ASAP2: variants seen among roughly 807,000 people sequenced by gnomAD.
ASAP2 encodes the protein arf-GAP with SH3 domain, ANK repeat and PH domain-containing protein 2.
In ASAP2, 45 loss-of-function variants were observed where a neutral mutation model predicts 131.4. That is an observed-to-expected ratio of 0.34 (90% confidence interval 0.27 to 0.44). The LOEUF (loss-of-function observed/expected upper bound fraction) is 0.44. Ranked by LOEUF, ASAP2 falls within the 20% of genes least tolerant of loss-of-function variation. The pLI, the probability that ASAP2 is intolerant of heterozygous loss-of-function variation, is 1.00. For missense variants in ASAP2, 1,011 were observed against 1,297.0 expected (o/e 0.78, Z 3.39); for synonymous variants, 510 against 503.0 (o/e 1.01, Z -0.19).
chr2:9,301,820 C>CTTTTTTTTTTTTTTT lies in ASAP2; in HGVS notation c.345+4382_345+4396dup, dbSNP rs1177064910. ...ACCAAGCAACGTGTGTATCCATCAT[C>CTTTTTTTTTTTTTTT]TTTTTTTTTTTTTTTTTTTTTGAGA... On this transcript the variant is annotated intron_variant, in intron 3 of 27. Coordinates refer to ENST00000281419, the MANE Select transcript of ASAP2 (RefSeq NM_003887.3). Among the ~76,000 whole-genome samples the CTTTTTTTTTTTTTTT allele has an allele frequency of 1.1e-4, 13 of 115,410 alleles. 1 individual carries two copies. Among genetic ancestry groups the CTTTTTTTTTTTTTTT allele is most frequent in the African/African-American group, 4.6e-4 (13 of 28,374 alleles). The allele number at this position is 115,410 out of a possible 152,430, so 75.7% of individuals were successfully genotyped here.
chr2:9,304,996 G>A (rs1424256246), intron 3 of ASAP2, among the ~76,000 whole-genome samples: 2 of 150,692 alleles, frequency 1.3e-5, no homozygotes, highest in African/African-American at 4.9e-5. Flanking sequence ...TGGACAAGCT[G>A]GAGTAGTGGG....
chr2:9,358,604 G>C (rs1672869107), intron 14 of ASAP2, 152 bp from the exon 15 acceptor site: 1 of 928,430 alleles, frequency 1.1e-6, no homozygotes, highest in Non-Finnish European at 1.6e-6. Context: ...ATGTAAATTG[G>C]TGGTAATTAT....
chr2:9,260,209 C>G (rs146621018), intron 1 of ASAP2, among the ~76,000 whole-genome samples: 1 of 152,228 alleles, frequency 6.6e-6, no homozygotes, highest in South Asian at 2.1e-4. Context: ...CCCAGGTGAT[C>G]AAGTAATTTG....
intron 1 of ASAP2, among the ~76,000 whole-genome samples, chr2:9,259,772 T>C (rs938361656): frequency 2.6e-5 from 4 of 152,154 alleles, no homozygotes; most frequent in Non-Finnish European, 5.9e-5. Context: ...GATGAACTCA[T>C]CTGAGGCCGA....
chr2:9,297,436 CA>C lies in ASAP2; in HGVS notation c.341del (p.Asn114ThrfsTer2). On this transcript the variant is annotated frameshift_variant, in exon 3 of 28. Transcript: ENST00000281419. LOFTEE classifies it high-confidence loss of function. ...TTACAAAGGAGTTGACAGCACTTTTCAAAAACCTGGTAAGCAGCTCTGTGTA... is the reference window on the plus strand; with the variant it reads ...TTACAAAGGAGTTGACAGCACTTTTCAAAACCTGGTAAGCAGCTCTGTGTA... ...VFTKELTALF[K>X]NLIQNMNNII... 1.2e-6 allele frequency: 2 copies of C among 1,614,156 alleles called. No individual in the cohort carries two copies. The highest frequency in any genetic ancestry group is 1.7e-6 in the Non-Finnish European group (2 of 1,180,004).
At chr2:9,375,801 G>A (rs992765669) in intron 17 of ASAP2, among the ~76,000 whole-genome samples, 2 of 152,240 alleles carry the variant, frequency 1.3e-5, no homozygotes, top group Admixed American at 6.5e-5. Flanking sequence ...TTTAACCTGA[G>A]CTTCATGCTA....
At chr2:9,301,506 A>G (rs1668469028) in intron 3 of ASAP2, among the ~76,000 whole-genome samples, 1 of 152,220 alleles carries the variant, frequency 6.6e-6, no homozygotes, top group Non-Finnish European at 1.5e-5. Flanking sequence ...AAAGACTCCA[A>G]GGGCCACCTC....
chr2:9,340,203 A>G (rs1397644121), intron 9 of ASAP2, among the ~76,000 whole-genome samples: 3 of 152,126 alleles, frequency 2.0e-5, no homozygotes, highest in Non-Finnish European at 4.4e-5. Context: ...TTGTAGTTTT[A>G]GTAGAGACGG....
intron 1 of ASAP2, among the ~76,000 whole-genome samples, chr2:9,250,071 CTG>C (rs1664603505): frequency 6.6e-6 from 1 of 152,192 alleles, no homozygotes; most frequent in South Asian, 2.1e-4. Context: ...GTTTTATCAT[CTG>C]TAACATGAGG....
intron 1 of ASAP2, among the ~76,000 whole-genome samples, chr2:9,239,739 T>G (rs2709566): frequency 0.28 from 42,617 of 151,942 alleles, 6,288 homozygotes; most frequent in African/African-American, 0.39. Context: ...ATCTTTTTTT[T>G]TTTGTTTTAG....
Position 9,256,590 on chromosome 2 carries a change from G to T in ASAP2, c.127-22727G>T, listed in dbSNP as rs115376568. Among the ~76,000 whole-genome samples, 400 of 152,250 alleles carry T rather than the reference G, an allele frequency of 2.6e-3. 3 individuals carry two copies. Among genetic ancestry groups the T allele is most frequent in the African/African-American group, 8.9e-3 (371 of 41,544 alleles). ...GGATTTTGTTTTTAAAAAAGAATGT[G>T]GCCATCTGTTTCTATTTACATGTGC... is the stretch of plus-strand genomic sequence containing the variant. On this transcript the variant is annotated intron_variant, in intron 1 of 27. Coordinates refer to ENST00000281419, the MANE Select transcript of ASAP2 (RefSeq NM_003887.3).
At chr2:9,258,233 A>T (rs72773379) in intron 1 of ASAP2, among the ~76,000 whole-genome samples, 1 of 142,458 alleles carries the variant, frequency 7.0e-6, no homozygotes. Flanking sequence ...TGACAGAGCG[A>T]TACTTCATCT....
intron 9 of ASAP2, among the ~76,000 whole-genome samples, chr2:9,343,037 G>A (rs1385746646): frequency 6.6e-6 from 1 of 152,158 alleles, no homozygotes; most frequent in African/African-American, 2.4e-5. Flanking sequence ...CATCGTTTGG[G>A]GATGTGCTTC....
intron 1 of ASAP2, among the ~76,000 whole-genome samples, chr2:9,267,238 C>T (rs971683291): frequency 1.3e-5 from 2 of 152,040 alleles, no homozygotes; most frequent in African/African-American, 2.4e-5. Context: ...CATGATTGAT[C>T]CCATCACCCA....
In ASAP2 at chr2:9,388,281, T is replaced by C. The variant is rs1260957237; in HGVS notation, c.2131-13T>C. 1 of 1,613,144 alleles carries C rather than the reference T, an allele frequency of 6.2e-7. No homozygotes were observed. The highest frequency in any genetic ancestry group is 8.5e-7 in the Non-Finnish European group (1 of 1,179,870). ...TTTGTCTCACACGCCTCTGCCCCAATGTTCTCCTGCAGCCCAGTCCCAACC... is the reference window on the plus strand; with the variant it reads ...TTTGTCTCACACGCCTCTGCCCCAACGTTCTCCTGCAGCCCAGTCCCAACC... On this transcript the variant is annotated splice_polypyrimidine_tract_variant and intron_variant, in intron 21 of 27. Transcript: ENST00000281419.
Position 9,318,399 on chromosome 2 carries a change from A to C in ASAP2, c.346-125A>C, listed in dbSNP as rs143852559. The C allele has an allele frequency of 1.6e-5, 11 of 700,814 alleles. No homozygotes were observed. The Admixed American group carries it at 2.4e-4, about 15-fold the overall frequency. 43.4% of individuals were successfully genotyped at this position (700,814 alleles called of 1,614,324 possible). On this transcript the variant is annotated intron_variant, in intron 3 of 27. Transcript: ENST00000281419. ...TGTATGACTGAATAAGGCACAGTAC[A>C]TGCACCGGCCAGGTTTTAGGTGGAG... is the stretch of plus-strand genomic sequence containing the variant.
chr2:9,302,169 CTTTT>C (rs57906310), intron 3 of ASAP2, among the ~76,000 whole-genome samples: 1 of 82,914 alleles, frequency 1.2e-5, no homozygotes. Flanking sequence ...AGTTAGAAGC[CTTTT>C]TTTTTTTTTT....
At position 9,231,762 on chromosome 2, in the gene ASAP2, A is replaced by G. The variant is rs373727546; in HGVS notation, c.126+24532A>G. Among the ~76,000 whole-genome samples the G allele has an allele frequency of 6.0e-4, 90 of 149,606 alleles. 1 individual carries two copies. The highest frequency in any genetic ancestry group is 2.0e-3 in the African/African-American group (82 of 40,588). On this transcript the variant is annotated intron_variant, in intron 1 of 27. Coordinates refer to ENST00000281419, the MANE Select transcript of ASAP2 (RefSeq NM_003887.3). ...CCTTGTGCCATGCCTTCCTTTGGAG[A>G]CTCTCCTCTCTGTGCCGTCTCGCAT...
chr2:9,252,690 C>A (rs535355610), intron 1 of ASAP2, among the ~76,000 whole-genome samples: 1 of 152,096 alleles, frequency 6.6e-6, no homozygotes, highest in Non-Finnish European at 1.5e-5. Context: ...TTGAGGCGGG[C>A]AGATCACGAG....
Sources: gnomAD v4.1 joint callset for allele counts (sites outside exome capture counted in the v4.1 genomes callset) on GRCh38, gnomAD v4.1.1 for gene constraint, MANE v1.5 for transcripts, NCBI Gene and HGNC (gene_info 2026-07-23, HGNC 2026-07-21) for gene names.